The following TRPS1 variants were observed in gnomAD, a reference collection of about 807,000 sequenced individuals.
TRPS1 encodes the protein zinc finger transcription factor Trps1.
Under a neutral mutation model 101.2 loss-of-function variants are expected in TRPS1, and 6 were observed. The ratio of observed to expected loss-of-function variants is 0.06; its 90% CI spans 0.03 to 0.12. The LOEUF is 0.12. TRPS1 is among the 10% of genes least tolerant of loss of function. The pLI is 1.00. For missense variants in TRPS1, 1,363 were observed against 1,567.0 expected, an observed-to-expected ratio of 0.87 and a Z score of 2.20; for synonymous variants, 578 against 589.8, an observed-to-expected ratio of 0.98 and a Z score of 0.29.
At chr8:115,617,574 G>A (rs1433254769) in intron 3 of TRPS1, among the ~76,000 whole-genome samples, 4 of 152,172 alleles carry the variant, frequency 2.6e-5, no homozygotes, top group Admixed American at 2.0e-4. Context: ...GTTGTCCCTA[G>A]AGTGAACAGA....
intron 5 of TRPS1, among the ~76,000 whole-genome samples, chr8:115,583,485 T>C (rs2130433793): frequency 6.6e-6 from 1 of 152,226 alleles, no homozygotes; most frequent in Non-Finnish European, 1.5e-5. Context: ...TAAATGTTGG[T>C]AACCATTTTC....
chr8:115,451,431 T>G (rs889489100), intron 5 of TRPS1, among the ~76,000 whole-genome samples: 1 of 152,090 alleles, frequency 6.6e-6, no homozygotes, highest in Non-Finnish European at 1.5e-5. Context: ...GTGACTTATC[T>G]CATGCACTGA....
At chr8:115,656,069 T>C (rs547603191) in intron 1 of TRPS1, among the ~76,000 whole-genome samples, 1 of 152,282 alleles carries the variant, frequency 6.6e-6, no homozygotes, top group East Asian at 1.9e-4. Flanking sequence ...TCAATTCCAC[T>C]TTGCAGGGAC....
At chr8:115,505,530 G>A (rs920463683) in intron 5 of TRPS1, among the ~76,000 whole-genome samples, 7 of 152,096 alleles carry the variant, frequency 4.6e-5, no homozygotes, top group Admixed American at 6.5e-5. Context: ...CAGGTGTTAC[G>A]TGTGACTTTG....
At position 115,477,660 on chromosome 8, in the gene TRPS1, C is replaced by A. The variant is rs935938363; in HGVS notation, c.2701-59208G>T. ...TCATGTCTTTGAGGTGTAAAATAAC[C>A]TCTATCAGCTCCATAGTAGTAAGTT... On this transcript the variant is annotated intron_variant, in intron 5 of 6. Transcript: ENST00000395715. 2.9e-4 allele frequency among the ~76,000 whole-genome samples: 44 copies of A among 152,246 alleles called. 2 individuals carry two copies. Among genetic ancestry groups the A allele is most frequent in the Admixed American group, 2.6e-3 (40 of 15,302 alleles).
chr8:115,643,510 C>G (rs964751772), intron 1 of TRPS1, among the ~76,000 whole-genome samples: 3 of 152,188 alleles, frequency 2.0e-5, no homozygotes, highest in Non-Finnish European at 2.9e-5. Flanking sequence ...AACACCTCAT[C>G]CATTCCAGTT....
At chr8:115,596,217 T>C (rs1673141729) in intron 4 of TRPS1, among the ~76,000 whole-genome samples, 2 of 151,940 alleles carry the variant, frequency 1.3e-5, no homozygotes, top group Admixed American at 6.6e-5. Flanking sequence ...TACCAAAATA[T>C]GTGTGTAGTT....
intron 5 of TRPS1, among the ~76,000 whole-genome samples, chr8:115,539,250 T>C (rs541079708): frequency 2.6e-5 from 4 of 152,180 alleles, no homozygotes; most frequent in Non-Finnish European, 5.9e-5. Flanking sequence ...TTCACTGGTA[T>C]AGGTAGCAAC....
At chr8:115,453,510 G>C (rs557193213) in intron 5 of TRPS1, among the ~76,000 whole-genome samples, 84 of 152,004 alleles carry the variant, frequency 5.5e-4, no homozygotes, top group Non-Finnish European at 6.0e-4. Flanking sequence ...TGTATGTGTA[G>C]ATATCTCAGT....
At chr8:115,570,223 C>T (rs1817168302) in intron 5 of TRPS1, among the ~76,000 whole-genome samples, 1 of 151,916 alleles carries the variant, frequency 6.6e-6, no homozygotes, top group South Asian at 2.1e-4. Flanking sequence ...AAGTAACTCA[C>T]TAGATAATCT....
intron 5 of TRPS1, among the ~76,000 whole-genome samples, chr8:115,500,540 A>G (rs1815290284): frequency 6.6e-6 from 1 of 152,192 alleles, no homozygotes; most frequent in African/African-American, 2.4e-5. Context: ...AGACATAGAA[A>G]CAATATTTTT....
At chr8:115,463,021 C>T (rs1563749196) in intron 5 of TRPS1, among the ~76,000 whole-genome samples, 1 of 152,172 alleles carries the variant, frequency 6.6e-6, no homozygotes. Context: ...AAACTAAGGG[C>T]AATAACAGCT....
In TRPS1 at chr8:115,414,880, G is replaced by C. The variant is rs1324200216; in HGVS notation, c.3028C>G (p.Pro1010Ala). ...HLTESHQREI[P>A]LPSLSKYEAQ... ...TCGTATTTACTTAGGCTGGGGAGTG[G>C]AATTTCTCTCTGGTGACTTTCAGTT... is the stretch of plus-strand genomic sequence containing the variant. The change falls in exon 7 of 7, where the codon CCA (proline) becomes GCA (alanine). Residue 1010 changes from proline to alanine, a missense_variant. Physicochemically the swap from Pro to Ala is conservative, Grantham distance 27. Around this residue, in one of 5 missense-constraint regions of TRPS1, gnomAD observed 307 missense variants for 392.4 expected, o/e 0.78. Coordinates refer to ENST00000395715, the MANE Select transcript of TRPS1 (RefSeq NM_014112.5). This position sits in a 1 kb window ranked among gnomAD's most constrained non-coding sequence, Gnocchi z 4.8. The C allele has an allele frequency of 3.7e-6, 6 of 1,612,528 alleles. No homozygotes were observed. The highest frequency in any genetic ancestry group is 5.1e-6 in the Non-Finnish European group (6 of 1,179,208).
At chr8:115,664,891 G>A (rs559098703) in intron 1 of TRPS1, among the ~76,000 whole-genome samples, 1 of 152,226 alleles carries the variant, frequency 6.6e-6, no homozygotes, top group South Asian at 2.1e-4. Context: ...TTGAATGAAT[G>A]GCTTCATTTT....
rs540983414 is a variant in TRPS1 at position 115,634,348 on chromosome 8, G to A, written c.-121-10590C>T. On this transcript the variant is annotated intron_variant, in intron 1 of 6. Coordinates refer to ENST00000395715, the MANE Select transcript of TRPS1 (RefSeq NM_014112.5). ...TTCTAGAAGTCAAAGCATGAATAAT[G>A]CTTTACATGTTTTACTGCTCTCTAC... Among the ~76,000 whole-genome samples, 3 of 152,246 alleles carry A rather than the reference G, an allele frequency of 2.0e-5. No homozygotes were observed. In the South Asian group the frequency reaches 6.2e-4, roughly 32 times the overall value.
intron 5 of TRPS1, among the ~76,000 whole-genome samples, chr8:115,529,394 A>T (rs547333122): frequency 6.6e-6 from 1 of 152,258 alleles, no homozygotes; most frequent in African/African-American, 2.4e-5. Flanking sequence ...TAGATTGAAA[A>T]TTACACGATA....
chr8:115,436,845 C>T (rs1813465771), intron 5 of TRPS1, among the ~76,000 whole-genome samples: 1 of 152,000 alleles, frequency 6.6e-6, no homozygotes, highest in African/African-American at 2.4e-5. Context: ...TCAGCTTCAC[C>T]TGAACTAGAT....
At position 115,619,457 on chromosome 8, in the gene TRPS1, T is replaced by G. The variant is rs762929062; in HGVS notation, c.641A>C (p.Lys214Thr). ...GTTGTCATTCACCAGTAAGTCAGTT[T>G]TGGATTTATTCAGTCTTACACCCCC... The part of the protein sequence containing the change: ...SDGGVRLNKS[K>T]TDLLVNDNPD... The change falls in exon 3 of 7, where the codon AAA (lysine) becomes ACA (threonine). Residue 214 changes from lysine to threonine, a missense_variant. Around this residue, in one of 5 missense-constraint regions of TRPS1, gnomAD observed 1,020 missense variants for 1,073.0 expected, o/e 0.95. Transcript: ENST00000395715. The G allele has an allele frequency of 2.5e-6, 4 of 1,614,162 alleles. No homozygotes were observed. Among genetic ancestry groups the G allele is most frequent in the Non-Finnish European group, 3.4e-6 (4 of 1,180,032 alleles).
intron 5 of TRPS1, among the ~76,000 whole-genome samples, chr8:115,500,943 T>C (rs1399213510): frequency 6.6e-6 from 1 of 152,138 alleles, no homozygotes; most frequent in Non-Finnish European, 1.5e-5. Flanking sequence ...GAATCTCAAA[T>C]TTCATCCTAA....
Sources: gnomAD v4.1 joint callset for allele counts (sites outside exome capture counted in the v4.1 genomes callset) on GRCh38, gnomAD v4.1.1 for gene constraint, gnomAD v4.1.1 regional missense constraint, Gnocchi (gnomAD v3.1) non-coding constraint, MANE v1.5 for transcripts, NCBI Gene and HGNC (gene_info 2026-07-23, HGNC 2026-07-21) for gene names.